The following DLC1 variants were observed in gnomAD, a reference collection of about 807,000 sequenced individuals.
The protein encoded by DLC1 is DLC1 Rho GTPase activating protein.
DLC1 carries 54 observed loss-of-function variants against 140.3 expected under a neutral mutation model. That is an observed-to-expected ratio of 0.38 (90% CI 0.31 to 0.48). The LOEUF is 0.48. DLC1 is among the 20% of genes least tolerant of loss of function. The pLI is 0.96. For missense variants in DLC1, 2,536 were observed against 1,907.0 expected (o/e 1.33, Z -6.14); for synonymous variants, 986 against 728.1 (o/e 1.35, Z -5.70).
chr8:13,280,168 G>A (rs1347095560), intron 5 of DLC1, among the ~76,000 whole-genome samples: 2 of 149,992 alleles, frequency 1.3e-5, no homozygotes, highest in Non-Finnish European at 3.0e-5. Context: ...GGTACCTATA[G>A]TCCCAGCTAC....
At chr8:13,130,752 T>C (rs1306803989) in intron 5 of DLC1, among the ~76,000 whole-genome samples, 1 of 152,222 alleles carries the variant, frequency 6.6e-6, no homozygotes, top group African/African-American at 2.4e-5. Context: ...CAGGGAAAGA[T>C]TTAAGTTGGA....
intron 2 of DLC1, among the ~76,000 whole-genome samples, chr8:13,425,136 G>A (rs1023948158): frequency 3.4e-4 from 51 of 151,834 alleles, no homozygotes; most frequent in African/African-American, 1.2e-3. Context: ...AAAAAAAAAG[G>A]GTCATTATCT....
chr8:13,230,646 G>C (rs1409333787), intron 5 of DLC1, among the ~76,000 whole-genome samples: 3 of 149,772 alleles, frequency 2.0e-5, no homozygotes, highest in African/African-American at 4.9e-5. Flanking sequence ...GCCCAGGCTG[G>C]AGTGTAGTGG....
Position 13,100,475 on chromosome 8 carries a change from A to C in DLC1, c.1862T>G (p.Val621Gly). 6.2e-7 allele frequency: 1 copy of C among 1,613,188 alleles called. No homozygotes were observed. Among genetic ancestry groups the C allele is most frequent in the Non-Finnish European group, 8.5e-7 (1 of 1,179,974 alleles). The change falls in exon 9 of 18, where the codon GTC becomes GGC. Residue 621 changes from valine to glycine, a missense_variant. By Grantham distance (109) the Val-to-Gly change is moderately radical. Transcript: ENST00000276297. ...GTTGCTGGAGGAGCAAACGCTGATG[A>C]CGGAGTTAGTCCGGGGGGTGGCAGC... Reference protein sequence around the residue: ...EDAATPRTNSVISVCSSSNLA... With the variant: ...EDAATPRTNSGISVCSSSNLA...
At position 13,122,013 on chromosome 8, in the gene DLC1, G is replaced by A. The variant is rs185485169; in HGVS notation, c.1349-6356C>T. Among the ~76,000 whole-genome samples, 44 of 152,106 alleles carry A rather than the reference G, an allele frequency of 2.9e-4. No homozygotes were observed. The East Asian group carries it at 4.3e-3, about 15-fold the overall frequency. On this transcript the variant is annotated intron_variant, in intron 5 of 17. Coordinates refer to ENST00000276297, the MANE Select transcript of DLC1 (RefSeq NM_182643.3). The stretch of plus-strand genomic sequence containing the variant: ...AGATAACATTTCTTTGTATTCCTTC[G>A]TCCTGGACTTTTTCACCCTTGGATT...
At chr8:13,345,251 A>C (rs1045487396) in intron 4 of DLC1, among the ~76,000 whole-genome samples, 2 of 152,166 alleles carry the variant, frequency 1.3e-5, no homozygotes, top group East Asian at 1.9e-4. Flanking sequence ...TCCTTCCCCA[A>C]CTGTCATGTA....
chr8:13,091,528 A>G, intron 13 of DLC1, 96 bp from the exon 14 acceptor site: 1 of 1,070,282 alleles, frequency 9.3e-7, no homozygotes, highest in South Asian at 1.8e-5. Flanking sequence ...GAGAAAAAAA[A>G]ATTTTCACTG....
chr8:13,120,356 A>AAAAAAAAATATATATATATATATATATAT, intron 5 of DLC1, among the ~76,000 whole-genome samples: 8 of 61,128 alleles, frequency 1.3e-4, no homozygotes, highest in Admixed American at 2.7e-4. Context: ...AAAAAAAAAA[A>AAAAAAAAATATATATATATATATATATAT]ATATATATAT....
At chr8:13,500,773 A>G (rs999820475) in intron 1 of DLC1, among the ~76,000 whole-genome samples, 2 of 152,212 alleles carry the variant, frequency 1.3e-5, no homozygotes, top group African/African-American at 4.8e-5. Context: ...AATCCAGTTT[A>G]GCACATATTA....
At chr8:13,130,148 C>T (rs1821957851) in intron 5 of DLC1, among the ~76,000 whole-genome samples, 1 of 152,170 alleles carries the variant, frequency 6.6e-6, no homozygotes, top group Non-Finnish European at 1.5e-5. Flanking sequence ...AAAAATACCA[C>T]TCTGATTTAA....
At chr8:13,122,537 C>T (rs1821181805) in intron 5 of DLC1, among the ~76,000 whole-genome samples, 1 of 152,048 alleles carries the variant, frequency 6.6e-6, no homozygotes, top group Non-Finnish European at 1.5e-5. Flanking sequence ...TAAAGGCAGA[C>T]TGAAAACGAT....
intron 6 of DLC1, 142 bp downstream of exon 6, chr8:13,115,444 G>T: frequency 1.3e-6 from 1 of 754,762 alleles, no homozygotes; most frequent in African/African-American, 1.8e-5. Context: ...CAGCGGTGGG[G>T]GTCTTGCATG....
chr8:13,194,765 T>G (rs1204071947), intron 5 of DLC1, among the ~76,000 whole-genome samples: 2 of 152,178 alleles, frequency 1.3e-5, no homozygotes, highest in African/African-American at 2.4e-5. Context: ...CCCAGCACTT[T>G]GGGAGGCTGA....
In DLC1 at chr8:13,561,502, T is replaced by C. The variant is rs114052185; in HGVS notation, c.-126+43035A>G. ...TGCAGGATTTAATTTTGCTTAAACT[T>C]ATTTTTTTAATGCAAAACTGGGTAA... is the stretch of plus-strand genomic sequence containing the variant. On this transcript the variant is annotated intron_variant, in intron 1 of 1. Transcript: ENST00000631382. Among the ~76,000 whole-genome samples, 635 of 152,348 alleles carry C rather than the reference T, an allele frequency of 4.2e-3. 7 individuals carry two copies. The highest frequency in any genetic ancestry group is 0.015 in the African/African-American group (611 of 41,580).
At chr8:13,292,522 T>C (rs1343386438) in intron 5 of DLC1, among the ~76,000 whole-genome samples, 3 of 152,186 alleles carry the variant, frequency 2.0e-5, no homozygotes, top group Non-Finnish European at 2.9e-5. Flanking sequence ...AAGAAGGCCT[T>C]AATGTCCCCC....
chr8:13,241,369 A>T (rs1175924862), intron 5 of DLC1, among the ~76,000 whole-genome samples: 1 of 152,206 alleles, frequency 6.6e-6, no homozygotes, highest in Non-Finnish European at 1.5e-5. Flanking sequence ...TCACACATGT[A>T]TAGAAGTTTT....
chr8:13,538,912 A>C (rs984462991), intron 1 of DLC1, among the ~76,000 whole-genome samples: 1 of 152,182 alleles, frequency 6.6e-6, no homozygotes, highest in Non-Finnish European at 1.5e-5. Flanking sequence ...TCCCTATAAA[A>C]GTTCATCTAA....
intron 7 of DLC1, among the ~76,000 whole-genome samples, chr8:13,105,090 C>A (rs1386083179): frequency 2.2e-5 from 3 of 134,032 alleles, no homozygotes; most frequent in Non-Finnish European, 5.3e-5. Context: ...TGTTTATAAC[C>A]AAATTTACTA....
At chr8:13,388,684 A>G (rs1586255691) in intron 4 of DLC1, among the ~76,000 whole-genome samples, 1 of 152,028 alleles carries the variant, frequency 6.6e-6, no homozygotes, top group East Asian at 1.9e-4. Flanking sequence ...TGATGTGAAT[A>G]TATGTACACA....
Sources: allele counts gnomAD v4.1 joint callset (sites outside exome capture counted in the v4.1 genomes callset), GRCh38; gene constraint gnomAD v4.1.1; transcripts MANE v1.5; gene names NCBI Gene and HGNC (gene_info 2026-07-23, HGNC 2026-07-21).